MRC2: variants seen among roughly 807,000 people sequenced by gnomAD.
MRC2 encodes the protein C-type mannose receptor 2.
MRC2 carries 84 observed loss-of-function variants against 206.2 expected under a neutral mutation model. That is an observed-to-expected ratio of 0.41 (90% CI 0.34 to 0.49). The LOEUF (loss-of-function observed/expected upper bound fraction) is 0.49. Ranked by LOEUF, MRC2 falls within the 20% of genes least tolerant of loss-of-function variation. The pLI, the probability that MRC2 is intolerant of heterozygous loss-of-function variation, is 0.31. For synonymous variants in MRC2, 798 were observed against 800.0 expected, an observed-to-expected ratio of 1.00 and a Z score of 0.04; for missense variants, 1,676 against 2,001.5, an observed-to-expected ratio of 0.84 and a Z score of 3.10.
Position 62,674,242 on chromosome 17 carries a change from AT to A in MRC2, c.1569+73del. The A allele has an allele frequency of 6.2e-6, 7 of 1,127,838 alleles. No individual in the cohort carries two copies. In the Admixed American group the frequency reaches 7.9e-5, roughly 13 times the overall value. 69.9% of individuals were successfully genotyped at this position (1,127,838 alleles called of 1,614,324 possible). A position where few individuals can be genotyped will look rare whatever the true frequency, so the allele number is the denominator to read the frequency against. Reference sequence around the variant, plus strand: ...GGGCTACCAGGGGAGGGAGAGGTGGATGAACTCCTGCTGCCTCGCATGGCAT... The same window carrying A: ...GGGCTACCAGGGGAGGGAGAGGTGGAGAACTCCTGCTGCCTCGCATGGCAT... On this transcript the variant is annotated intron_variant, in intron 9 of 29. Transcript: ENST00000303375.
At chr17:62,636,344 C>T (rs1192708889) in intron 1 of MRC2, among the ~76,000 whole-genome samples, 2 of 151,894 alleles carry the variant, frequency 1.3e-5, no homozygotes, top group Admixed American at 6.6e-5. Flanking sequence ...CTCCCTTACA[C>T]TACACTGATT....
At position 62,672,461 on chromosome 17, in the gene MRC2, C is replaced by A. The variant is rs2088838180; in HGVS notation, c.1461+309C>A. Among the ~76,000 whole-genome samples, 1 of 152,136 alleles carries A rather than the reference C, an allele frequency of 6.6e-6. No individual in the cohort carries two copies. Among genetic ancestry groups the A allele is most frequent in the Non-Finnish European group, 1.5e-5 (1 of 68,028 alleles). The stretch of plus-strand genomic sequence containing the variant: ...CAGTGCCTGGCGCATTCTTGGTCTC[C>A]TCCCAGCTGCCCTTCCCTGCCAGAA... On this transcript the variant is annotated intron_variant, in intron 8 of 29. Coordinates refer to ENST00000303375, the MANE Select transcript of MRC2 (RefSeq NM_006039.5). The surrounding 1 kb of genome is among the most constrained non-coding windows in gnomAD (Gnocchi z 4.5).
intron 20 of MRC2, chr17:62,684,140 A>C (rs1223174843): frequency 6.6e-6 from 1 of 152,230 alleles, no homozygotes; most frequent in African/African-American, 2.4e-5. Context: ...CATGACTCAC[A>C]GGTCTAACGT....
rs1428228031 is a variant in MRC2 at position 62,688,900 on chromosome 17, C to T, written c.3274C>T (p.Arg1092Cys). Residue 1092 changes from arginine (R) to cysteine (C), a missense_variant, in exon 23 of 30, where the codon CGC (arginine) becomes TGC (cysteine). Coordinates refer to ENST00000303375, the MANE Select transcript of MRC2 (RefSeq NM_006039.5). ...LHSPSAHFTG[R>C]WDDRSCTEET... Reference sequence around the variant, plus strand: ...CAGCCCCTCAGCCCACTTCACTGGCCGCTGGGACGATCGGAGCTGCACGGA... The same window carrying T: ...CAGCCCCTCAGCCCACTTCACTGGCTGCTGGGACGATCGGAGCTGCACGGA... The T allele has an allele frequency of 5.0e-6, 8 of 1,613,566 alleles. No individual in the cohort carries two copies. The highest frequency in any genetic ancestry group is 1.3e-5 in the African/African-American group (1 of 74,922).
At chr17:62,640,490 G>A (rs1294074030) in intron 1 of MRC2, among the ~76,000 whole-genome samples, 1 of 151,978 alleles carries the variant, frequency 6.6e-6, no homozygotes, top group Non-Finnish European at 1.5e-5. Context: ...AATCTCAAAC[G>A]TACACTGATT....
At position 62,689,535 on chromosome 17, in the gene MRC2, C is replaced by A; in HGVS notation, c.3348C>A (p.Ser1116Arg). 6.3e-7 allele frequency: 1 copy of A among 1,578,362 alleles called. No individual in the cohort carries two copies. The highest frequency in any genetic ancestry group is 8.6e-7 in the Non-Finnish European group (1 of 1,160,926). Residue 1116 changes from serine to arginine, a missense_variant, in exon 24 of 30, where the codon AGC becomes AGA. By Grantham distance (110) the Ser-to-Arg change is moderately radical. Transcript: ENST00000303375. ...CCTTCCCTGTAGACCCCTCCCTGAG[C>A]CCGTCCCCAGCAGCGCTGCCCCCCG... is the stretch of plus-strand genomic sequence containing the variant. ...ICQKGTDPSL[S>R]PSPAALPPAP...
intron 2 of MRC2, among the ~76,000 whole-genome samples, 153 bp from the exon 3 acceptor site, chr17:62,665,941 A>G (rs1253619838): frequency 6.6e-6 from 1 of 152,168 alleles, no homozygotes; most frequent in Non-Finnish European, 1.5e-5. Flanking sequence ...AGAAGCCTTA[A>G]AGCCACTATG....
At chr17:62,637,284 C>T (rs1050957756) in intron 1 of MRC2, among the ~76,000 whole-genome samples, 1 of 152,144 alleles carries the variant, frequency 6.6e-6, no homozygotes, top group East Asian at 1.9e-4. Flanking sequence ...GCCTGTAATC[C>T]CAGCACTTTG....
chr17:62,683,498 CA>C (rs1307502721), intron 20 of MRC2, among the ~76,000 whole-genome samples: 4 of 131,802 alleles, frequency 3.0e-5, no homozygotes, highest in African/African-American at 8.4e-5. Context: ...AAAAAAACAA[CA>C]AAAAAAACAC....
In MRC2 at chr17:62,690,958, T is replaced by C; in HGVS notation, c.4022T>C (p.Leu1341Pro). 1.2e-6 allele frequency: 2 copies of C among 1,601,668 alleles called. No individual in the cohort carries two copies. Among genetic ancestry groups the C allele is most frequent in the Non-Finnish European group, 1.7e-6 (2 of 1,175,100 alleles). Residue 1341 changes from leucine to proline, a missense_variant, in exon 28 of 30, where the codon CTG becomes CCG. Physicochemically the swap from Leu to Pro is moderately conservative, Grantham distance 98 (BLOSUM62 -3). Around this residue, in one of 3 missense-constraint regions of MRC2, gnomAD observed 1,354 missense variants for 1,636.6 expected, o/e 0.83. Transcript: ENST00000303375. ...GMNFNPKGGTLVWQDNTAVNY... is the reference protein window; with the variant it reads ...GMNFNPKGGTPVWQDNTAVNY... ...GCCTTCTTTCCTGCAGGAGGCACTC[T>C]GGTCTGGCAGGACAACACAGCTGTG...
chr17:62,675,782 T>A lies in MRC2; in HGVS notation c.1570-8T>A, dbSNP rs1389525666. 6.2e-7 allele frequency: 1 copy of A among 1,612,284 alleles called. No homozygotes were observed. The highest frequency in any genetic ancestry group is 2.2e-5 in the East Asian group (1 of 44,862). On this transcript the variant is annotated splice_region_variant and splice_polypyrimidine_tract_variant and intron_variant, in intron 9 of 29. Transcript: ENST00000303375. The surrounding 1 kb of genome is among the most constrained non-coding windows in gnomAD (Gnocchi z 4.1). ...CAGACACCCCTCTTCTGTCCACTCTTGAGCCAGGGTTGGACGTGGCACAGC... is the reference window on the plus strand; with the variant it reads ...CAGACACCCCTCTTCTGTCCACTCTAGAGCCAGGGTTGGACGTGGCACAGC...
Position 62,681,116 on chromosome 17 carries a change from G to C in MRC2, c.2689G>C (p.Asp897His). 6.2e-7 allele frequency: 1 copy of C among 1,613,634 alleles called. No individual in the cohort carries two copies. Among genetic ancestry groups the C allele is most frequent in the Non-Finnish European group, 8.5e-7 (1 of 1,179,982 alleles). ...GATCGGCCTGCACACCTCTGAGAGC[G>C]ATGGGCGCTTCAGGTAGGAACCCAG... ...WWIGLHTSES[D>H]GRFRWTDGSI... The change falls in exon 18 of 30, where the codon GAT becomes CAT. Residue 897 changes from aspartate (D) to histidine (H), a missense_variant. Asp to His is a moderately conservative substitution (Grantham distance 81). This residue lies in a region of MRC2 where 1,354 missense variants were observed against 1,636.6 expected (regional missense o/e 0.83). Transcript: ENST00000303375.
At position 62,692,192 on chromosome 17, in the gene MRC2, A is replaced by AACGCCCACTTGGCCTTTC. The variant is rs764820582; in HGVS notation, c.4220-29_4220-12dup. The AACGCCCACTTGGCCTTTC allele has an allele frequency of 1.9e-6, 3 of 1,613,766 alleles. No homozygotes were observed. Among genetic ancestry groups the AACGCCCACTTGGCCTTTC allele is most frequent in the African/African-American group, 2.7e-5 (2 of 74,942 alleles). Reference sequence around the variant, plus strand: ...GCAGGCAGGAAGCACTGCTGGGCCTAACGCCCACTTGGCCTTTCACGCCCA... The same window carrying AACGCCCACTTGGCCTTTC: ...GCAGGCAGGAAGCACTGCTGGGCCTAACGCCCACTTGGCCTTTCACGCCCACTTGGCCTTTCACGCCCA... On this transcript the variant is annotated intron_variant, in intron 29 of 29. Coordinates refer to ENST00000303375, the MANE Select transcript of MRC2 (RefSeq NM_006039.5). This position sits in a 1 kb window ranked among gnomAD's most constrained non-coding sequence, Gnocchi z 4.2.
intron 20 of MRC2, among the ~76,000 whole-genome samples, chr17:62,686,491 A>T (rs930569971): frequency 6.6e-6 from 1 of 151,146 alleles, no homozygotes; most frequent in Admixed American, 6.6e-5. Flanking sequence ...ACAACAAAGA[A>T]TCTAATGCCC....
chr17:62,649,395 A>G (rs1020556047), intron 1 of MRC2, among the ~76,000 whole-genome samples: 5 of 152,212 alleles, frequency 3.3e-5, no homozygotes, highest in African/African-American at 9.6e-5. Flanking sequence ...GTTCAAGACC[A>G]ACCTGGCCAA....
chr17:62,646,542 G>A (rs1308440189), intron 1 of MRC2, among the ~76,000 whole-genome samples: 1 of 152,240 alleles, frequency 6.6e-6, no homozygotes, highest in Non-Finnish European at 1.5e-5. Context: ...GAAGTCGGAT[G>A]TGGATCCCAG....
At chr17:62,668,348 C>A (rs2088782606) in intron 6 of MRC2, among the ~76,000 whole-genome samples, 1 of 146,046 alleles carries the variant, frequency 6.8e-6, no homozygotes, top group Non-Finnish European at 1.5e-5. Flanking sequence ...CGAGACGAGA[C>A]CCTGCCTCAA....
Position 62,633,840 on chromosome 17 carries a change from CAAAAAAAAAAAAAAAAAAAAAAAAAAAA to C in MRC2, c.118+5935_118+5962del, listed in dbSNP as rs571793821. 1.2e-4 allele frequency among the ~76,000 whole-genome samples: 4 copies of C among 33,918 alleles called. No homozygotes were observed. In the East Asian group the frequency reaches 4.2e-3, roughly 36 times the overall value. 22.3% of individuals were successfully genotyped at this position (33,918 alleles called of 152,430 possible). On this transcript the variant is annotated intron_variant, in intron 1 of 29. Coordinates refer to ENST00000303375, the MANE Select transcript of MRC2 (RefSeq NM_006039.5). ...TGAGTGACAGAGTGAGACCCTGTCT[CAAAAAAAAAAAAAAAAAAAAAAAAAAAA>C]AAAAAAAAAAAAAATCCTAACTACA...
At chr17:62,682,412 G>A in intron 20 of MRC2, 35 bp downstream of exon 20, 2 of 1,588,190 alleles carry the variant, frequency 1.3e-6, no homozygotes, top group South Asian at 1.1e-5. Flanking sequence ...AAGGGAGTCA[G>A]GGGAGAGGAC....
Sources: allele counts gnomAD v4.1 joint callset (sites outside exome capture counted in the v4.1 genomes callset), GRCh38; gene constraint gnomAD v4.1.1; regional missense constraint gnomAD v4.1.1; non-coding constraint Gnocchi (gnomAD v3.1); transcripts MANE v1.5; gene names NCBI Gene and HGNC (gene_info 2026-07-23, HGNC 2026-07-21).